The following FRMPD2 variants were observed in gnomAD, a reference collection of about 807,000 sequenced individuals.
FRMPD2 encodes FERM and PDZ domain containing 2, also known as FERM and PDZ domain-containing protein 2.
Under a neutral mutation model 140.1 loss-of-function variants are expected in FRMPD2, and 96 were observed. The ratio of observed to expected loss-of-function variants is 0.69; its 90% CI spans 0.58 to 0.81. FRMPD2 has a LOEUF of 0.81. Ranked by LOEUF, FRMPD2 falls within the 40% of genes least tolerant of loss-of-function variation. The pLI, the probability that FRMPD2 is intolerant of heterozygous loss-of-function variation, is 0.00. For synonymous variants in FRMPD2, 449 were observed against 547.6 expected, an observed-to-expected ratio of 0.82 and a Z score of 2.52; for missense variants, 1,240 against 1,447.4, an observed-to-expected ratio of 0.86 and a Z score of 2.32.
chr10:48,234,725 T>C (rs902272576), intron 9 of FRMPD2, among the ~76,000 whole-genome samples: 6 of 152,152 alleles, frequency 3.9e-5, no homozygotes, highest in African/African-American at 1.4e-4. Context: ...CCTTCTTGCA[T>C]CTTCCTAGAG....
intron 1 of FRMPD2, among the ~76,000 whole-genome samples, chr10:48,264,865 G>T (rs1304191639): frequency 6.6e-6 from 1 of 151,916 alleles, no homozygotes; most frequent in South Asian, 2.1e-4. Flanking sequence ...CAAAGTTGTA[G>T]GACTGATCCA....
intron 12 of FRMPD2, among the ~76,000 whole-genome samples, chr10:48,220,146 A>G (rs1417629916): frequency 2.0e-5 from 3 of 152,238 alleles, no homozygotes; most frequent in Non-Finnish European, 4.4e-5. Flanking sequence ...ACTAACCAAA[A>G]AGAACAAATC....
At chr10:48,242,097 T>A (rs1588850131) in intron 5 of FRMPD2, 64 bp downstream of exon 5, 2 of 1,176,008 alleles carry the variant, frequency 1.7e-6, no homozygotes, top group East Asian at 4.8e-5. Flanking sequence ...ATATAACTAA[T>A]TCAAATTTTA....
intron 22 of FRMPD2, chr10:48,177,234 A>G (rs560101966): frequency 1.3e-5 from 2 of 151,040 alleles, no homozygotes; most frequent in South Asian, 2.1e-4. Flanking sequence ...CAGCCTCCCG[A>G]GTAGCTGGGA....
At chr10:48,220,255 A>G (rs1034381281) in intron 12 of FRMPD2, among the ~76,000 whole-genome samples, 1 of 152,240 alleles carries the variant, frequency 6.6e-6, no homozygotes, top group Non-Finnish European at 1.5e-5. Context: ...GACCAATGGA[A>G]CAAAATAGAA....
In FRMPD2 at chr10:48,187,225, G is replaced by C. The variant is rs773077942; in HGVS notation, c.2233C>G (p.Leu745Val). 6 of 1,614,122 alleles carry C rather than the reference G, an allele frequency of 3.7e-6. No homozygotes were observed. Among genetic ancestry groups the C allele is most frequent in the East Asian group, 2.2e-5 (1 of 44,860 alleles). The change falls in exon 17 of 29, where the codon CTC (leucine) becomes GTC (valine). Residue 745 changes from leucine (L) to valine (V), a missense_variant. Around this residue, in one of 6 missense-constraint regions of FRMPD2, gnomAD observed 1,161 missense variants for 1,055.9 expected, o/e 1.10. Transcript: ENST00000374201. The part of the protein sequence containing the change: ...VIQKPMTWDS[L>V]SGPPVQSMHA... ...ATGCTCTGAACAGGTGGTCCAGAGA[G>C]AGAGTCCCAGGTCATTGGCTTCTGG...
chr10:48,270,420 C>T (rs980250189), intron 1 of FRMPD2, among the ~76,000 whole-genome samples: 1 of 152,152 alleles, frequency 6.6e-6, no homozygotes, highest in African/African-American at 2.4e-5. Flanking sequence ...GAATTGATGC[C>T]AAGAACATAA....
At chr10:48,253,526 A>C (rs368493103) in intron 1 of FRMPD2, among the ~76,000 whole-genome samples, 1 of 152,224 alleles carries the variant, frequency 6.6e-6, no homozygotes. Context: ...GGCACAAAGC[A>C]GTTAGAAAAA....
chr10:48,200,473 C>T (rs1379166214), intron 15 of FRMPD2, among the ~76,000 whole-genome samples: 3 of 152,160 alleles, frequency 2.0e-5, no homozygotes, highest in Non-Finnish European at 4.4e-5. Flanking sequence ...AAAGCCAAAC[C>T]CTCTCTTTGT....
chr10:48,194,309 C>T (rs1838904570), intron 15 of FRMPD2, among the ~76,000 whole-genome samples: 1 of 152,150 alleles, frequency 6.6e-6, no homozygotes, highest in Non-Finnish European at 1.5e-5. Flanking sequence ...GTAGGGCAGA[C>T]TCACACTCAA....
intron 14 of FRMPD2, among the ~76,000 whole-genome samples, chr10:48,204,259 C>A (rs1379180574): frequency 6.6e-6 from 1 of 152,188 alleles, no homozygotes; most frequent in African/African-American, 2.4e-5. Flanking sequence ...GGGATATACT[C>A]TATAATTGTG....
chr10:48,222,387 A>T lies in FRMPD2; in HGVS notation c.1381T>A (p.Tyr461Asn). Reference protein sequence around the residue: ...LRKDILEERLYCNEEILLQLG... With the variant: ...LRKDILEERLNCNEEILLQLG... The stretch of plus-strand genomic sequence containing the variant: ...TGCAGCAGTATCTCTTCATTGCAGT[A>T]CAGCCTCTCCTCCAGGATATCTTTC... The change falls in exon 12 of 29, where the codon TAC (tyrosine) becomes AAC (asparagine). Residue 461 changes from tyrosine (Y) to asparagine (N), a missense_variant. Transcript: ENST00000374201. The T allele has an allele frequency of 6.2e-7, 1 of 1,614,206 alleles. No homozygotes were observed. The highest frequency in any genetic ancestry group is 8.5e-7 in the Non-Finnish European group (1 of 1,180,012).
intron 2 of FRMPD2, among the ~76,000 whole-genome samples, chr10:48,250,310 AC>A (rs1401410383): frequency 6.6e-6 from 1 of 152,112 alleles, no homozygotes; most frequent in Admixed American, 6.5e-5. Flanking sequence ...ACAGATCTGA[AC>A]CCCAAACAGG....
intron 16 of FRMPD2, among the ~76,000 whole-genome samples, chr10:48,190,669 G>A (rs557676255): frequency 6.2e-4 from 94 of 152,308 alleles, no homozygotes; most frequent in Non-Finnish European, 1.2e-3. Flanking sequence ...TTTCACCCAC[G>A]GGTTACTGGT....
chr10:48,226,912 G>A (rs966103690), intron 10 of FRMPD2, among the ~76,000 whole-genome samples: 2 of 152,166 alleles, frequency 1.3e-5, no homozygotes, highest in Admixed American at 6.5e-5. Context: ...ATAAAGGATG[G>A]AAGTAGAAGT....
chr10:48,189,875 C>T (rs1024122759), intron 16 of FRMPD2, among the ~76,000 whole-genome samples: 1 of 152,188 alleles, frequency 6.6e-6, no homozygotes, highest in Non-Finnish European at 1.5e-5. Flanking sequence ...GGGCAGTCAC[C>T]ACAGACCAAC....
At chr10:48,274,431 C>G in intron 1 of FRMPD2, 112 bp downstream of exon 1, 1 of 906,658 alleles carries the variant, frequency 1.1e-6, no homozygotes, top group Non-Finnish European at 1.8e-6. Flanking sequence ...GGCACTGACA[C>G]AGGTCCTTGC....
At chr10:48,210,160 A>T (rs1382986490) in intron 13 of FRMPD2, among the ~76,000 whole-genome samples, 1 of 152,118 alleles carries the variant, frequency 6.6e-6, no homozygotes, top group Non-Finnish European at 1.5e-5. Flanking sequence ...CCCTCATCCT[A>T]ATGAGAGGCT....
In FRMPD2 at chr10:48,260,257, G is replaced by T. The variant is rs149428099; in HGVS notation, c.26-8566C>A. The stretch of plus-strand genomic sequence containing the variant: ...GATAGATATCTTATATATTATAGAG[G>T]CTGAGAAGTTTTACAATCTGCTATC... On this transcript the variant is annotated intron_variant, in intron 1 of 28. Transcript: ENST00000374201. Among the ~76,000 whole-genome samples, 101 of 152,024 alleles carry T rather than the reference G, an allele frequency of 6.6e-4. 1 individual carries two copies. In the East Asian group the frequency reaches 0.017, roughly 26 times the overall value.
Sources: allele counts gnomAD v4.1 joint callset (sites outside exome capture counted in the v4.1 genomes callset), GRCh38; gene constraint gnomAD v4.1.1; regional missense constraint gnomAD v4.1.1; transcripts MANE v1.5; gene names NCBI Gene and HGNC (gene_info 2026-07-23, HGNC 2026-07-21).